Variants in RBFOX3 observed in about 807,000 individuals in gnomAD.
The protein encoded by RBFOX3 is RNA binding protein fox-1 homolog 3.
A neutral mutation model predicts 48.7 loss-of-function variants in RBFOX3; 17 were observed. The observed-to-expected ratio is 0.35, with a 90% confidence interval of 0.24 to 0.52. The LOEUF (loss-of-function observed/expected upper bound fraction) is 0.52. Among genes scored for constraint, RBFOX3 ranks in the 20% least tolerant of loss-of-function variants. RBFOX3 has a pLI of 0.94. For synonymous variants in RBFOX3, 212 were observed against 209.5 expected, an observed-to-expected ratio of 1.01 and a Z score of -0.10; for missense variants, 382 against 497.5, an observed-to-expected ratio of 0.77 and a Z score of 2.21.
intron 3 of RBFOX3, among the ~76,000 whole-genome samples, chr17:79,244,184 C>T (rs926179748): frequency 5.9e-5 from 9 of 152,136 alleles, no homozygotes; most frequent in Admixed American, 2.6e-4. Context: ...ATCCAATGCC[C>T]GGGGTCCTCA....
chr17:79,638,017 A>C, the RBFOX3 span, among the ~76,000 whole-genome samples: 1 of 144,526 alleles, frequency 6.9e-6, no homozygotes, highest in African/African-American at 2.6e-5. Context: ...GGAAATCAAA[A>C]GGGAATTTTA....
chr17:79,183,911 C>G (rs1445818834), intron 4 of RBFOX3, among the ~76,000 whole-genome samples: 7 of 152,206 alleles, frequency 4.6e-5, no homozygotes, highest in African/African-American at 1.7e-4. Context: ...CGCCCCTCCT[C>G]CCCCCCGTTG....
At chr17:79,410,266 GTCTT>G (rs2064115476) in intron 2 of RBFOX3, among the ~76,000 whole-genome samples, 5 of 152,362 alleles carry the variant, frequency 3.3e-5, no homozygotes, top group African/African-American at 1.2e-4. Context: ...CCCCTGCACA[GTCTT>G]AGCTGCTCCC....
At chr17:79,580,277 C>A (rs1288773073) in intron 1 of RBFOX3, among the ~76,000 whole-genome samples, 1 of 131,082 alleles carries the variant, frequency 7.6e-6, no homozygotes, top group Non-Finnish European at 1.6e-5. Flanking sequence ...CCTCCTCCCC[C>A]CCCATCCTCC....
chr17:79,659,721 A>G, the RBFOX3 span, among the ~76,000 whole-genome samples: 1 of 152,214 alleles, frequency 6.6e-6, no homozygotes, highest in African/African-American at 2.4e-5. Flanking sequence ...TATGCTCAAA[A>G]GTACACAAAT....
intron 4 of RBFOX3, among the ~76,000 whole-genome samples, chr17:79,149,953 T>G (rs867108877): frequency 5.9e-4 from 53 of 90,164 alleles, no homozygotes; most frequent in African/African-American, 1.9e-3. Context: ...AGTGCCAGGG[T>G]GGGGATGGGG....
chr17:79,567,201 T>TG (rs2092494246), intron 1 of RBFOX3, among the ~76,000 whole-genome samples: 1 of 129,524 alleles, frequency 7.7e-6, no homozygotes, highest in South Asian at 2.4e-4. Context: ...TTTTTTTTTT[T>TG]GAGACAGGGT....
intron 4 of RBFOX3, among the ~76,000 whole-genome samples, chr17:79,147,785 G>A (rs1016115139): frequency 7.2e-5 from 11 of 152,362 alleles, no homozygotes; most frequent in South Asian, 2.1e-4. Context: ...CAGGGCTGCC[G>A]GTGGGCGACG....
At position 79,477,718 on chromosome 17, in the gene RBFOX3, G is replaced by C. The variant is rs1122490; in HGVS notation, c.-175+4736C>G. On this transcript the variant is annotated intron_variant, in intron 2 of 14. Coordinates refer to ENST00000693108, the MANE Select transcript of RBFOX3 (RefSeq NM_001350451.2). This position sits in a 1 kb window ranked among gnomAD's most constrained non-coding sequence, Gnocchi z 4.8. ...GGGGCAGGGTGGCAGAATTAGGCAGGATCAGAATGAGGGACTGAAGTGGCT... is the reference window on the plus strand; with the variant it reads ...GGGGCAGGGTGGCAGAATTAGGCAGCATCAGAATGAGGGACTGAAGTGGCT... Among the ~76,000 whole-genome samples the C allele has an allele frequency of 0.13, 19,973 of 152,154 alleles. 4,318 individuals are homozygous for C. The highest frequency in any genetic ancestry group is 0.46 in the African/African-American group (18,867 of 41,418).
chr17:79,239,630 T>C (rs1199341025), intron 3 of RBFOX3, among the ~76,000 whole-genome samples: 2 of 152,196 alleles, frequency 1.3e-5, no homozygotes, highest in Non-Finnish European at 2.9e-5. Flanking sequence ...CAGGGAGGGC[T>C]GTGGTTGGGG....
chr17:79,526,558 C>T (rs2086827764), intron 1 of RBFOX3, among the ~76,000 whole-genome samples: 2 of 152,322 alleles, frequency 1.3e-5, no homozygotes, highest in South Asian at 4.1e-4. Context: ...TAGGAAGTAT[C>T]CTGATCGGTA....
rs71161660 is a variant in RBFOX3, at chr17:79,318,854, C to CAAAAAAAAAAAAAA, written c.-174-11044_-174-11031dup. Among the ~76,000 whole-genome samples, 27 of 32,524 alleles carry CAAAAAAAAAAAAAA rather than the reference C, an allele frequency of 8.3e-4. 7 individuals carry two copies. The highest frequency in any genetic ancestry group is 1.0e-3 in the Admixed American group (2 of 1,960). The allele number at this position is 32,524 out of a possible 152,430, so 21.3% of individuals were successfully genotyped here. The stretch of plus-strand genomic sequence containing the variant: ...TGGGTGACAGAGCGAGACTCCATCT[C>CAAAAAAAAAAAAAA]AAAAAAAAAAAAAAAAAAAAAAAAA... On this transcript the variant is annotated intron_variant, in intron 2 of 14. Coordinates refer to ENST00000693108, the MANE Select transcript of RBFOX3 (RefSeq NM_001350451.2).
the RBFOX3 span, among the ~76,000 whole-genome samples, chr17:79,651,203 C>T: frequency 1.3e-5 from 2 of 152,240 alleles, no homozygotes; most frequent in South Asian, 4.1e-4. Context: ...CTTCCTCCAC[C>T]TCCCCAGTAA....
intron 2 of RBFOX3, among the ~76,000 whole-genome samples, chr17:79,458,879 G>C (rs1555746865): frequency 6.6e-6 from 1 of 152,178 alleles, no homozygotes; most frequent in East Asian, 1.9e-4. Flanking sequence ...TCCATCTCTG[G>C]TTCCCGGGTA....
the RBFOX3 span, among the ~76,000 whole-genome samples, chr17:79,644,199 T>G: frequency 6.6e-6 from 1 of 152,142 alleles, no homozygotes; most frequent in Non-Finnish European, 1.5e-5. Flanking sequence ...TCAAAAACTT[T>G]CCCATGAAAA....
chr17:79,409,392 AGTT>A (rs2063970421), intron 2 of RBFOX3, among the ~76,000 whole-genome samples: 1 of 152,208 alleles, frequency 6.6e-6, no homozygotes, highest in Admixed American at 6.5e-5. Context: ...GTTGTGTGAT[AGTT>A]CCATGTCCAA....
At chr17:79,255,224 T>TGC (rs1779442976) in intron 3 of RBFOX3, among the ~76,000 whole-genome samples, 1 of 87,760 alleles carries the variant, frequency 1.1e-5, no homozygotes, top group Non-Finnish European at 2.3e-5. Context: ...CATGTGTGCG[T>TGC]GTGTGTGTGT....
At chr17:79,571,290 G>C (rs996114897) in intron 1 of RBFOX3, among the ~76,000 whole-genome samples, 65 of 152,208 alleles carry the variant, frequency 4.3e-4, no homozygotes, top group Admixed American at 1.2e-3. Flanking sequence ...GCCTGCCCTA[G>C]AGCCAGCAGA....
At chr17:79,552,689 T>C (rs1286641392) in intron 1 of RBFOX3, among the ~76,000 whole-genome samples, 3 of 152,214 alleles carry the variant, frequency 2.0e-5, no homozygotes, top group Non-Finnish European at 4.4e-5. Context: ...TTGGAGTTTA[T>C]CGAGGTGTAA....
Sources: gnomAD v4.1 joint callset for allele counts (sites outside exome capture counted in the v4.1 genomes callset) on GRCh38, gnomAD v4.1.1 for gene constraint, Gnocchi (gnomAD v3.1) non-coding constraint, MANE v1.5 for transcripts, NCBI Gene and HGNC (gene_info 2026-07-23, HGNC 2026-07-21) for gene names.